The following C7orf78 variants were observed in gnomAD, a reference collection of about 807,000 sequenced individuals.
C7orf78 encodes the protein chromosome 7 open reading frame 78.
At chr7:12,494,008 G>A in the C7orf78 span, among the ~76,000 whole-genome samples, 5 of 152,200 alleles carry the variant, frequency 3.3e-5, no homozygotes, top group African/African-American at 1.2e-4. Context: ...ATGGTAAATA[G>A]GGTTAGTATT....
At chr7:12,515,786 C>G in the C7orf78 span, among the ~76,000 whole-genome samples, 1 of 152,138 alleles carries the variant, frequency 6.6e-6, no homozygotes, top group Non-Finnish European at 1.5e-5. Flanking sequence ...TGGCATTTTG[C>G]TCCTGCCCTA....
the C7orf78 span, chr7:12,528,806 C>T: frequency 2.5e-6 from 1 of 396,366 alleles, no homozygotes; most frequent in Non-Finnish European, 4.4e-6. Context: ...ACTTACCACT[C>T]CTGGGTCCTG....
At chr7:12,521,575 A>T in the C7orf78 span, among the ~76,000 whole-genome samples, 1 of 150,116 alleles carries the variant, frequency 6.7e-6, no homozygotes, top group Non-Finnish European at 1.5e-5. Flanking sequence ...TCCCTTTCTC[A>T]TCTTCATGCT....
At chr7:12,539,337 A>G in the C7orf78 span, among the ~76,000 whole-genome samples, 1 of 152,044 alleles carries the variant, frequency 6.6e-6, no homozygotes, top group Non-Finnish European at 1.5e-5. Context: ...GGTGGCACGC[A>G]CCTGTAGTCC....
chr7:12,500,600 C>T, the C7orf78 span, among the ~76,000 whole-genome samples: 3 of 151,364 alleles, frequency 2.0e-5, no homozygotes, highest in Non-Finnish European at 4.4e-5. Flanking sequence ...AGCTTACCAA[C>T]CAAAAAGAGT....
the C7orf78 span, among the ~76,000 whole-genome samples, chr7:12,527,952 A>T: frequency 6.7e-6 from 1 of 149,898 alleles, no homozygotes; most frequent in African/African-American, 2.5e-5. Context: ...GTGTAATTGA[A>T]ATGGAACATG....
At chr7:12,497,657 A>T in the C7orf78 span, among the ~76,000 whole-genome samples, 1 of 151,904 alleles carries the variant, frequency 6.6e-6, no homozygotes, top group African/African-American at 2.4e-5. Flanking sequence ...AGGCTGGGGG[A>T]GGGGCGCCCA....
At chr7:12,535,010 G>GGAAGGAAGGAAGGAAC in the C7orf78 span, among the ~76,000 whole-genome samples, 99 of 150,328 alleles carry the variant, frequency 6.6e-4, 1 homozygote, top group Middle Eastern at 3.4e-3. Flanking sequence ...AAGGAAGGAA[G>GGAAGGAAGGAAGGAAC]GAAGGAAGGA....
chr7:12,528,221 A>G, the C7orf78 span, among the ~76,000 whole-genome samples: 4 of 150,098 alleles, frequency 2.7e-5, no homozygotes, highest in East Asian at 2.0e-4. Flanking sequence ...AGTATATGCT[A>G]TGTGTCACTC....
chr7:12,500,566 T>G, the C7orf78 span, among the ~76,000 whole-genome samples: 1,564 of 150,212 alleles, frequency 0.01, 27 homozygotes, highest in African/African-American at 0.036. Context: ...AATAACAGGA[T>G]CTGAAATTGT....
chr7:12,512,778 A>G, the C7orf78 span, among the ~76,000 whole-genome samples: 1 of 152,276 alleles, frequency 6.6e-6, no homozygotes, highest in South Asian at 2.1e-4. Context: ...CATGTTTAGT[A>G]CAGTTTAGCA....
the C7orf78 span, among the ~76,000 whole-genome samples, chr7:12,495,827 T>C: frequency 1.3e-5 from 2 of 152,224 alleles, no homozygotes; most frequent in Non-Finnish European, 1.5e-5. Context: ...AAAGCGTTCA[T>C]GTTCCTTAAT....
the C7orf78 span, among the ~76,000 whole-genome samples, chr7:12,515,543 A>G: frequency 2.6e-5 from 4 of 152,278 alleles, no homozygotes; most frequent in Non-Finnish European, 4.4e-5. Flanking sequence ...TGTGGAAACA[A>G]TTTTGGAATT....
chr7:12,503,361 T>G, the C7orf78 span, among the ~76,000 whole-genome samples: 1 of 152,092 alleles, frequency 6.6e-6, no homozygotes, highest in African/African-American at 2.4e-5. Context: ...TTTTTAGATG[T>G]CATAATGGTG....
chr7:12,510,344 C>T, the C7orf78 span, among the ~76,000 whole-genome samples: 1 of 152,030 alleles, frequency 6.6e-6, no homozygotes, highest in Non-Finnish European at 1.5e-5. Context: ...GCCACCATGC[C>T]TGGCTAATTT....
the C7orf78 span, among the ~76,000 whole-genome samples, chr7:12,513,047 A>G: frequency 9.7e-6 from 1 of 103,216 alleles, no homozygotes; most frequent in South Asian, 4.6e-4. Context: ...TTTGTTTCTT[A>G]GAGTCTTTTT....
the C7orf78 span, among the ~76,000 whole-genome samples, chr7:12,521,550 C>T: frequency 2.0e-5 from 3 of 151,670 alleles, no homozygotes; most frequent in Non-Finnish European, 4.4e-5. Context: ...TGCTAAGTAG[C>T]TCATAAGAAC....
the C7orf78 span, among the ~76,000 whole-genome samples, chr7:12,501,817 C>A: frequency 3.3e-4 from 41 of 125,528 alleles, no homozygotes; most frequent in African/African-American, 1.2e-3. Flanking sequence ...CATCACACTA[C>A]CTGACTTCAA....
At chr7:12,519,513 GCAA>G in the C7orf78 span, among the ~76,000 whole-genome samples, 1 of 152,160 alleles carries the variant, frequency 6.6e-6, no homozygotes, top group Non-Finnish European at 1.5e-5. Flanking sequence ...GCTCCCAGTG[GCAA>G]CAACTGCTAT....
Sources: gnomAD v4.1 joint callset for allele counts (sites outside exome capture counted in the v4.1 genomes callset) on GRCh38, gnomAD v4.1.1 for gene constraint, MANE v1.5 for transcripts, NCBI Gene and HGNC (gene_info 2026-07-23, HGNC 2026-07-21) for gene names.